LRRC66: variants seen among roughly 807,000 people sequenced by gnomAD.
LRRC66 encodes the protein leucine-rich repeat-containing protein 66.
In LRRC66, 29 loss-of-function variants were observed where a neutral mutation model predicts 24.6. The ratio of observed to expected loss-of-function variants is 1.18; its 90% CI spans 0.88 to 1.61. LRRC66 has a LOEUF of 1.61. LRRC66 is among the 40% of genes most tolerant of loss of function. The pLI is 0.00. For synonymous variants in LRRC66, 411 were observed against 397.6 expected, an observed-to-expected ratio of 1.03 and a Z score of -0.40; for missense variants, 1,124 against 1,058.0, an observed-to-expected ratio of 1.06 and a Z score of -0.87.
intron 3 of LRRC66, 91 bp from the exon 4 acceptor site, chr4:51,998,028 T>G: frequency 9.2e-7 from 1 of 1,084,596 alleles, no homozygotes; most frequent in Admixed American, 2.1e-5. Context: ...TGTTTATGTC[T>G]CTATGGAGGC....
chr4:52,004,275 T>C (rs866389298), intron 2 of LRRC66, among the ~76,000 whole-genome samples: 5 of 152,238 alleles, frequency 3.3e-5, no homozygotes, highest in South Asian at 4.1e-4. Flanking sequence ...CCCAAAGTGC[T>C]GGGATTACAG....
intron 3 of LRRC66, among the ~76,000 whole-genome samples, chr4:52,001,907 C>T (rs1008130804): frequency 6.6e-6 from 1 of 152,196 alleles, no homozygotes; most frequent in African/African-American, 2.4e-5. Flanking sequence ...GATAGCCACA[C>T]CAATAGATGA....
chr4:51,996,123 G>C lies in LRRC66; in HGVS notation c.899C>G (p.Ser300Cys). 1 of 1,613,984 alleles carries C rather than the reference G, an allele frequency of 6.2e-7. No homozygotes were observed. The highest frequency in any genetic ancestry group is 8.5e-7 in the Non-Finnish European group (1 of 1,179,952). ...AATGGGAGGAAGGCGGGTTTCCCTGGAAATCCTGCTCTGGGGAGTGCCCCC... is the reference window on the plus strand; with the variant it reads ...AATGGGAGGAAGGCGGGTTTCCCTGCAAATCCTGCTCTGGGGAGTGCCCCC... ...ANGGTPQSRI[S>C]RETRLPPIHL... The change falls in exon 5 of 5, where the codon TCC becomes TGC. Residue 300 changes from serine to cysteine, a missense_variant. Physicochemically the swap from Ser to Cys is moderately radical, Grantham distance 112. Coordinates refer to ENST00000682860, the MANE Select transcript of LRRC66 (RefSeq NM_001024611.3).
At chr4:52,005,910 T>G (rs147238624) in intron 2 of LRRC66, among the ~76,000 whole-genome samples, 1 of 152,366 alleles carries the variant, frequency 6.6e-6, no homozygotes, top group South Asian at 2.1e-4. Flanking sequence ...GGAGAAAATG[T>G]TTCTTTGTGC....
intron 3 of LRRC66, among the ~76,000 whole-genome samples, chr4:52,002,345 A>G (rs947420791): frequency 6.6e-6 from 1 of 152,034 alleles, no homozygotes; most frequent in Non-Finnish European, 1.5e-5. Flanking sequence ...AAAGAATGGG[A>G]GTTGTCGTGG....
chr4:51,996,842 G>A (rs927918434), intron 4 of LRRC66, among the ~76,000 whole-genome samples: 1 of 152,142 alleles, frequency 6.6e-6, no homozygotes, highest in African/African-American at 2.4e-5. Flanking sequence ...CATGTACATG[G>A]CTTCTCCTTT....
At chr4:52,010,861 T>TA (rs1456541513) in intron 2 of LRRC66, among the ~76,000 whole-genome samples, 1 of 152,220 alleles carries the variant, frequency 6.6e-6, no homozygotes, top group Non-Finnish European at 1.5e-5. Flanking sequence ...ATTCTGTTTT[T>TA]AGTAGGAATG....
In LRRC66 at chr4:51,996,149, G is replaced by A. The variant is rs771635095; in HGVS notation, c.873C>T (p.Asn291=). The A allele has an allele frequency of 1.4e-5, 23 of 1,610,452 alleles. No homozygotes were observed. The South Asian group carries it at 2.3e-4, about 16-fold the overall frequency. ...AAATCCTGCTCTGGGGAGTGCCCCC[G>A]TTGGCCTCCTCACTCCCTGCAAGTG... The part of the protein sequence containing the change: ...CNRSIGSEEA[N]GGTPQSRISR... Residue 291 remains asparagine (N), a synonymous_variant, in exon 5 of 5, where the codon AAC becomes AAT. Coordinates refer to ENST00000682860, the MANE Select transcript of LRRC66 (RefSeq NM_001024611.3).
intron 2 of LRRC66, among the ~76,000 whole-genome samples, chr4:52,003,965 T>C (rs1338352726): frequency 6.6e-6 from 1 of 152,170 alleles, no homozygotes; most frequent in Non-Finnish European, 1.5e-5. Context: ...TGATGCTTTA[T>C]CTACATGGAT....
At chr4:52,018,089 C>T in intron 1 of LRRC66, 1 of 985,412 alleles carries the variant, frequency 1.0e-6, no homozygotes, top group Non-Finnish European at 1.2e-6. Context: ...CTCCATAACT[C>T]TATGAGTAAA....
rs1170683683 is a variant in LRRC66 at position 51,995,968 on chromosome 4, G to A, written c.1054C>T (p.Leu352=). The change falls in exon 5 of 5, where the codon CTG becomes TTG. Residue 352 remains leucine, a synonymous_variant. Transcript: ENST00000682860. Reference sequence around the variant, plus strand: ...CGGGTGCTTCTAACACTCCTTGGCAGCCGTCTCTGCTTCTTCCTGAGACCA... The same window carrying A: ...CGGGTGCTTCTAACACTCCTTGGCAACCGTCTCTGCTTCTTCCTGAGACCA... ...GSGLRKKQRR[L]PRSVRSTRDV... The A allele has an allele frequency of 3.7e-6, 6 of 1,613,956 alleles. No homozygotes were observed. In the African/African-American group the frequency reaches 8.0e-5, roughly 22 times the overall value.
intron 2 of LRRC66, among the ~76,000 whole-genome samples, chr4:52,013,504 C>G (rs950739670): frequency 2.6e-5 from 4 of 152,170 alleles, no homozygotes; most frequent in Admixed American, 2.6e-4. Context: ...AGAGACTGAT[C>G]CCATTGTTTT....
Position 51,995,375 on chromosome 4 carries a change from A to G in LRRC66, c.1647T>C (p.Ser549=), listed in dbSNP as rs746480164. 6.2e-7 allele frequency: 1 copy of G among 1,614,208 alleles called. No homozygotes were observed. Among genetic ancestry groups the G allele is most frequent in the South Asian group, 1.1e-5 (1 of 91,082 alleles). The change falls in exon 5 of 5, where the codon AGT becomes AGC. Residue 549 remains serine (S), a synonymous_variant. Coordinates refer to ENST00000682860, the MANE Select transcript of LRRC66 (RefSeq NM_001024611.3). Reference sequence around the variant, plus strand: ...CAGAAGAGACGCCCACTGAATGTGCACTGAGAGGCTCTTCCTGGGCCACAG... The same window carrying G: ...CAGAAGAGACGCCCACTGAATGTGCGCTGAGAGGCTCTTCCTGGGCCACAG... ...YETVAQEEPL[S]AHSVGVSSVA...
chr4:52,018,123 C>T, intron 1 of LRRC66: 2 of 985,442 alleles, frequency 2.0e-6, no homozygotes, highest in Non-Finnish European at 2.4e-6. Flanking sequence ...AAAAGAGGCT[C>T]TTACTTTTCA....
chr4:52,003,419 AT>A (rs775578591), intron 2 of LRRC66, 27 bp from the exon 3 acceptor site: 4 of 1,599,580 alleles, frequency 2.5e-6, no homozygotes, highest in Non-Finnish European at 3.4e-6. Context: ...GTAAGTTGAA[AT>A]CTAAACTGGT....
chr4:52,017,621 G>A lies in LRRC66; in HGVS notation c.-5-3C>T. 3 of 1,523,368 alleles carry A rather than the reference G, an allele frequency of 2.0e-6. No individual in the cohort carries two copies. The highest frequency in any genetic ancestry group is 1.7e-6 in the Non-Finnish European group (2 of 1,145,556). 94.4% of individuals were successfully genotyped at this position (1,523,368 alleles called of 1,614,324 possible). Reference sequence around the variant, plus strand: ...GAAATAGAGGTTTTTCATAATGCCTGGAAAAAGGAAAATGAATTGACTTAT... The same window carrying A: ...GAAATAGAGGTTTTTCATAATGCCTAGAAAAAGGAAAATGAATTGACTTAT... On this transcript the variant is annotated splice_region_variant and splice_polypyrimidine_tract_variant and intron_variant, in intron 1 of 4. Coordinates refer to ENST00000682860, the MANE Select transcript of LRRC66 (RefSeq NM_001024611.3).
At chr4:51,997,078 A>G (rs1215837793) in intron 4 of LRRC66, among the ~76,000 whole-genome samples, 1 of 152,164 alleles carries the variant, frequency 6.6e-6, no homozygotes, top group Non-Finnish European at 1.5e-5. Flanking sequence ...AACAGAATCT[A>G]TGACTCATTT....
rs1445235231 is a variant in LRRC66 at position 52,017,336 on chromosome 4, C to T, written c.278G>A (p.Ser93Asn). ...GGTTATTTTTGATATGAGATTGTTA[C>T]TGAGGTCCAGATGTTTTATTTTCCA... ...EEWKIKHLDLSNNLISKITLS... is the reference protein window; with the variant it reads ...EEWKIKHLDLNNNLISKITLS... The change falls in exon 2 of 5, where the codon AGT (serine) becomes AAT (asparagine). Residue 93 changes from serine to asparagine, a missense_variant. By Grantham distance (46) the Ser-to-Asn change is conservative (BLOSUM62 1). Transcript: ENST00000682860. The T allele has an allele frequency of 1.2e-6, 2 of 1,614,120 alleles. No homozygotes were observed. Among genetic ancestry groups the T allele is most frequent in the South Asian group, 2.2e-5 (2 of 91,078 alleles).
Position 51,994,626 on chromosome 4 carries a change from G to C in LRRC66, c.2396C>G (p.Ser799Cys), listed in dbSNP as rs1315135457. The change falls in exon 5 of 5, where the codon TCT becomes TGT. Residue 799 changes from serine (S) to cysteine (C), a missense_variant. By Grantham distance (112) the Ser-to-Cys change is moderately radical. Coordinates refer to ENST00000682860, the MANE Select transcript of LRRC66 (RefSeq NM_001024611.3). The part of the protein sequence containing the change: ...HLENASDTDR[S>C]EGLSPWPRSP... ...CCTGGGCCAGGGTGACAGGCCCTCA[G>C]ATCTATCAGTGTCAGAGGCATTTTC... 3.1e-6 allele frequency: 5 copies of C among 1,607,554 alleles called. 1 individual carries two copies. The highest frequency in any genetic ancestry group is 4.3e-6 in the Non-Finnish European group (5 of 1,174,706).
Sources: gnomAD v4.1 joint callset for allele counts (sites outside exome capture counted in the v4.1 genomes callset) on GRCh38, gnomAD v4.1.1 for gene constraint, MANE v1.5 for transcripts, NCBI Gene and HGNC (gene_info 2026-07-23, HGNC 2026-07-21) for gene names.